NDUFAF6: variants seen among roughly 807,000 people sequenced by gnomAD.
The protein encoded by NDUFAF6 is NADH:ubiquinone oxidoreductase complex assembly factor 6, also known as NADH dehydrogenase (ubiquinone) complex I, assembly factor 6.
In NDUFAF6, 45 loss-of-function variants were observed where a neutral mutation model predicts 40.8. That is an observed-to-expected ratio of 1.10 (90% CI 0.87 to 1.42). NDUFAF6 has a LOEUF of 1.42. NDUFAF6 is among the 40% of genes most tolerant of loss of function. The probability of loss-of-function intolerance (pLI) is 0.00; values close to 1 mark genes in which losing one functional copy is unlikely to be tolerated. For missense variants in NDUFAF6, 435 were observed against 418.5 expected, an observed-to-expected ratio of 1.04 and a Z score of -0.34; for synonymous variants, 185 against 155.9, an observed-to-expected ratio of 1.19 and a Z score of -1.39.
At chr8:95,057,292 A>G (rs1051434419) in intron 8 of NDUFAF6, among the ~76,000 whole-genome samples, 5 of 152,198 alleles carry the variant, frequency 3.3e-5, no homozygotes, top group African/African-American at 1.2e-4. Context: ...AACTTTGTCA[A>G]GTTTTTTGTG....
At position 95,058,387 on chromosome 8, in the gene NDUFAF6, A is replaced by G; in HGVS notation, c.*450A>G. 1 of 1,233,308 alleles carries G rather than the reference A, an allele frequency of 8.1e-7. No homozygotes were observed. Among genetic ancestry groups the G allele is most frequent in the Non-Finnish European group, 1.0e-6 (1 of 988,928 alleles). The allele number at this position is 1,233,308 out of a possible 1,614,324, so 76.4% of individuals were successfully genotyped here. A position where few individuals can be genotyped will look rare whatever the true frequency, so the allele number is the denominator to read the frequency against. ...TGGAAGATGCATTTATTTAGGGGTC[A>G]CAAATAGTGAAATTAATATTTGAGG... On this transcript the variant is annotated 3_prime_UTR_variant, in exon 9 of 9. Transcript: ENST00000396124.
chr8:95,048,080 G>A (rs1831014109), intron 6 of NDUFAF6, among the ~76,000 whole-genome samples: 1 of 152,008 alleles, frequency 6.6e-6, no homozygotes, highest in Non-Finnish European at 1.5e-5. Context: ...TATAGTCCCA[G>A]CTACTCAGGA....
intron 3 of NDUFAF6, 93 bp from the exon 4 acceptor site, chr8:95,041,477 C>T (rs1204918138): frequency 4.7e-6 from 4 of 846,464 alleles, no homozygotes; most frequent in Non-Finnish European, 8.1e-6. Flanking sequence ...TGTTCCCTTA[C>T]TTAGTTTTGT....
At chr8:94,937,024 T>A (rs573821104) in intron 1 of NDUFAF6, among the ~76,000 whole-genome samples, 1 of 151,998 alleles carries the variant, frequency 6.6e-6, no homozygotes, top group Admixed American at 6.5e-5. Context: ...ACAAAATGGG[T>A]CTTGAGAAGA....
intron 1 of NDUFAF6, among the ~76,000 whole-genome samples, chr8:94,977,522 TAAAA>T (rs748596014): frequency 7.6e-5 from 8 of 104,818 alleles, no homozygotes; most frequent in Admixed American, 1.0e-4. Context: ...ACCCTGTCTC[TAAAA>T]AAAAAAAAAA....
At chr8:95,096,908 G>A (rs189378549), upstream of NDUFAF6, among the ~76,000 whole-genome samples, 8 of 152,288 alleles carry the variant, frequency 5.3e-5, no homozygotes, top group East Asian at 9.6e-4. Context: ...CATTTTCCTC[G>A]TAATTGCCAA....
At chr8:94,991,826 C>T (rs1826209131) in intron 2 of NDUFAF6, among the ~76,000 whole-genome samples, 1 of 125,704 alleles carries the variant, frequency 8.0e-6, no homozygotes, top group Admixed American at 8.7e-5. Flanking sequence ...TTTAAAGCAG[C>T]ACGAGATTCC....
At chr8:95,042,266 C>A (rs1266808168) in intron 4 of NDUFAF6, among the ~76,000 whole-genome samples, 1 of 152,190 alleles carries the variant, frequency 6.6e-6, no homozygotes, top group Non-Finnish European at 1.5e-5. Context: ...TGTGACCTTT[C>A]TGATGCATTG....
chr8:95,116,640 T>A (rs758094056), downstream of NDUFAF6, among the ~76,000 whole-genome samples: 1 of 152,216 alleles, frequency 6.6e-6, no homozygotes, highest in Non-Finnish European at 1.5e-5. Flanking sequence ...TGTGAGCCAC[T>A]GTGCCCAGCC....
At chr8:94,957,549 G>A (rs762605320), upstream of NDUFAF6, among the ~76,000 whole-genome samples, 36 of 152,228 alleles carry the variant, frequency 2.4e-4, no homozygotes, top group Non-Finnish European at 4.1e-4. Flanking sequence ...TGGAAGGAAA[G>A]TGTGACCACC....
intron 1 of NDUFAF6, chr8:94,940,861 TTC>T (rs1554633315): frequency 6.2e-7 from 1 of 1,613,662 alleles, no homozygotes; most frequent in Non-Finnish European, 8.5e-7. Flanking sequence ...ATTCATCATC[TTC>T]TTTCTCATTG....
intron 2 of NDUFAF6, among the ~76,000 whole-genome samples, chr8:94,987,853 GCTGGTGTTTAATTCCAATGCTT>G (rs1421981961): frequency 2.0e-5 from 3 of 152,122 alleles, no homozygotes; most frequent in Non-Finnish European, 4.4e-5. Flanking sequence ...GGCTTACTAG[GCTGGTGTTTAATTCCAATGCTT>G]CTGGGTTAAT....
At chr8:94,944,684 G>C (rs200132809) in intron 1 of NDUFAF6, among the ~76,000 whole-genome samples, 1 of 152,160 alleles carries the variant, frequency 6.6e-6, no homozygotes, top group Admixed American at 6.5e-5. Flanking sequence ...GCTGACACCC[G>C]TGGGAAGAAC....
intron 1 of NDUFAF6, among the ~76,000 whole-genome samples, chr8:94,920,620 C>T (rs575716401): frequency 1.3e-5 from 2 of 152,326 alleles, no homozygotes; most frequent in South Asian, 4.1e-4. Flanking sequence ...AGTCCCACTG[C>T]TTTCCATCAT....
At chr8:94,915,796 G>A (rs1182649677) in intron 1 of NDUFAF6, among the ~76,000 whole-genome samples, 1 of 152,134 alleles carries the variant, frequency 6.6e-6, no homozygotes. Flanking sequence ...ACTTACAAGG[G>A]GCTTCAGAGA....
chr8:95,081,260 G>T (rs1312607071), intron 2 of NDUFAF6, among the ~76,000 whole-genome samples: 1 of 140,012 alleles, frequency 7.1e-6, no homozygotes, highest in Non-Finnish European at 1.5e-5. Flanking sequence ...TGCCTCCCAA[G>T]TTCAAGCAAT....
intron 2 of NDUFAF6, among the ~76,000 whole-genome samples, chr8:95,014,363 A>C (rs545263386): frequency 1.0e-3 from 157 of 152,338 alleles, no homozygotes; most frequent in Admixed American, 2.3e-3. Context: ...TGGTGGGAGA[A>C]TGCTTGGCAT....
At chr8:94,923,723 A>G (rs1819658128) in intron 1 of NDUFAF6, among the ~76,000 whole-genome samples, 1 of 147,376 alleles carries the variant, frequency 6.8e-6, no homozygotes, top group Admixed American at 6.8e-5. Flanking sequence ...TCTGTCGCCC[A>G]GTCTGGAGTG....
rs1006312636 is a variant in NDUFAF6, at chr8:94,981,222, T to G, written c.-84+249T>G. Reference sequence around the variant, plus strand: ...TGGATTAGTTCCCATGAGAGTGGGTTGTTATAAAGCAAGGCTGCCTTTTGC... The same window carrying G: ...TGGATTAGTTCCCATGAGAGTGGGTGGTTATAAAGCAAGGCTGCCTTTTGC... On this transcript the variant is annotated intron_variant, in intron 2 of 9. Coordinates refer to the NDUFAF6 transcript ENST00000396111. Among the ~76,000 whole-genome samples, 12 of 152,204 alleles carry G rather than the reference T, an allele frequency of 7.9e-5. No homozygotes were observed. In the East Asian group the frequency reaches 2.1e-3, roughly 27 times the overall value.
Sources: allele counts gnomAD v4.1 joint callset (sites outside exome capture counted in the v4.1 genomes callset), GRCh38; gene constraint gnomAD v4.1.1; transcripts MANE v1.5; gene names NCBI Gene and HGNC (gene_info 2026-07-23, HGNC 2026-07-21).